The following ADAMTS2 variants were observed in gnomAD, a reference collection of about 807,000 sequenced individuals.
The protein encoded by ADAMTS2 is A disintegrin and metalloproteinase with thrombospondin motifs 2.
In ADAMTS2, 50 loss-of-function variants were observed where a neutral mutation model predicts 123.0. That is an observed-to-expected ratio of 0.41 (90% CI 0.32 to 0.51). The LOEUF (loss-of-function observed/expected upper bound fraction) is 0.51, where lower values mean the gene tolerates loss of function less well. Ranked by LOEUF, ADAMTS2 falls within the 20% of genes least tolerant of loss-of-function variation. The pLI, the probability that ADAMTS2 is intolerant of heterozygous loss-of-function variation, is 0.35. For synonymous variants in ADAMTS2, 678 were observed against 695.4 expected, an observed-to-expected ratio of 0.98 and a Z score of 0.39; for missense variants, 1,494 against 1,705.2, an observed-to-expected ratio of 0.88 and a Z score of 2.18.
In ADAMTS2 at chr5:179,128,193, G is replaced by C; in HGVS notation, c.2458-75C>G. ...CTCCCCAGCCAGCTTAGGAACGGCAGCTGAGGCCGACTCCAGAGGAGTCTC... is the reference window on the plus strand; with the variant it reads ...CTCCCCAGCCAGCTTAGGAACGGCACCTGAGGCCGACTCCAGAGGAGTCTC... On this transcript the variant is annotated intron_variant, in intron 16 of 21. Coordinates refer to ENST00000251582, the MANE Select transcript of ADAMTS2 (RefSeq NM_014244.5). The surrounding 1 kb of genome is among the most constrained non-coding windows in gnomAD (Gnocchi z 4.9). 1 of 1,575,098 alleles carries C rather than the reference G, an allele frequency of 6.3e-7. No individual in the cohort carries two copies. Among genetic ancestry groups the C allele is most frequent in the Admixed American group, 1.7e-5 (1 of 58,354 alleles).
intron 2 of ADAMTS2, among the ~76,000 whole-genome samples, chr5:179,296,301 G>A (rs539845280): frequency 8.5e-5 from 13 of 152,274 alleles, no homozygotes; most frequent in African/African-American, 2.4e-4. Context: ...CTCAAGGGAC[G>A]GGCAGGGGCA....
chr5:179,202,411 T>C lies in ADAMTS2; in HGVS notation c.891+5102A>G, dbSNP rs1312583293. ...AGCCCCTGAGCTGTAGAAAGTGGCCTGCCTTCCCCTACCCTTCTTCCTTCT... is the reference window on the plus strand; with the variant it reads ...AGCCCCTGAGCTGTAGAAAGTGGCCCGCCTTCCCCTACCCTTCTTCCTTCT... On this transcript the variant is annotated intron_variant, in intron 4 of 21. Transcript: ENST00000251582. This position sits in a 1 kb window ranked among gnomAD's most constrained non-coding sequence, Gnocchi z 4.0. 6.6e-6 allele frequency among the ~76,000 whole-genome samples: 1 copy of C among 152,218 alleles called. No individual in the cohort carries two copies. Among genetic ancestry groups the C allele is most frequent in the Non-Finnish European group, 1.5e-5 (1 of 68,040 alleles).
chr5:179,293,609 G>C (rs972172776), intron 2 of ADAMTS2, among the ~76,000 whole-genome samples: 1 of 95,602 alleles, frequency 1.0e-5, no homozygotes, highest in Non-Finnish European at 2.3e-5. Flanking sequence ...TCCAGGGTAG[G>C]GTTTTGTTTG....
In ADAMTS2 at chr5:179,303,813, T is replaced by C; in HGVS notation, c.535-30749A>G. Among the ~76,000 whole-genome samples, 1 of 152,132 alleles carries C rather than the reference T, an allele frequency of 6.6e-6. No individual in the cohort carries two copies. The highest frequency in any genetic ancestry group is 1.5e-5 in the Non-Finnish European group (1 of 68,016). On this transcript the variant is annotated intron_variant, in intron 2 of 21. Coordinates refer to ENST00000251582, the MANE Select transcript of ADAMTS2 (RefSeq NM_014244.5). This position sits in a 1 kb window ranked among gnomAD's most constrained non-coding sequence, Gnocchi z 4.7. ...TCTTTTGGTCCTCCCAGGAGTGTAGTTGCAGGAAGTGTGCAAGACAGCAGG... is the reference window on the plus strand; with the variant it reads ...TCTTTTGGTCCTCCCAGGAGTGTAGCTGCAGGAAGTGTGCAAGACAGCAGG...
intron 2 of ADAMTS2, among the ~76,000 whole-genome samples, chr5:179,276,989 C>A (rs1436247859): frequency 6.6e-6 from 1 of 152,124 alleles, no homozygotes; most frequent in Non-Finnish European, 1.5e-5. Flanking sequence ...AGGGGTCAGG[C>A]TCCCCTCCCT....
In ADAMTS2 at chr5:179,181,775, T is replaced by C. The variant is rs893935836; in HGVS notation, c.892-620A>G. Among the ~76,000 whole-genome samples, 16 of 152,202 alleles carry C rather than the reference T, an allele frequency of 1.1e-4. No individual in the cohort carries two copies. Among genetic ancestry groups the C allele is most frequent in the Admixed American group, 9.2e-4 (14 of 15,284 alleles). ...TTTATCACAATCATATTCTTACACG[T>C]GTTTCATTCTTCACATTTAAAACCA... is the stretch of plus-strand genomic sequence containing the variant. On this transcript the variant is annotated intron_variant, in intron 4 of 21. Transcript: ENST00000251582. The surrounding 1 kb of genome is among the most constrained non-coding windows in gnomAD (Gnocchi z 4.1).
At position 179,260,205 on chromosome 5, in the gene ADAMTS2, C is replaced by T. The variant is rs760902010; in HGVS notation, c.688+12706G>A. Among the ~76,000 whole-genome samples, 3 of 152,150 alleles carry T rather than the reference C, an allele frequency of 2.0e-5. No individual in the cohort carries two copies. The highest frequency in any genetic ancestry group is 4.8e-5 in the African/African-American group (2 of 41,440). On this transcript the variant is annotated intron_variant, in intron 3 of 21. Coordinates refer to ENST00000251582, the MANE Select transcript of ADAMTS2 (RefSeq NM_014244.5). This position sits in a 1 kb window ranked among gnomAD's most constrained non-coding sequence, Gnocchi z 4.2. ...CTGACACTGTGGCAACAACAGGAGG[C>T]GTCAGTGCCAAGCCCTCCAATGCCT...
intron 21 of ADAMTS2, among the ~76,000 whole-genome samples, chr5:179,120,009 G>C (rs983648876): frequency 1.3e-5 from 2 of 152,122 alleles, no homozygotes; most frequent in African/African-American, 4.8e-5. Flanking sequence ...CACCTTTCAG[G>C]GGGAGGGGCC....
intron 2 of ADAMTS2, among the ~76,000 whole-genome samples, chr5:179,316,622 C>T (rs1314860315): frequency 1.6e-4 from 25 of 152,214 alleles, no homozygotes; most frequent in Non-Finnish European, 1.5e-5. Context: ...AGGCCCAGGG[C>T]AGAGCAGGCA....
At chr5:179,321,896 G>A (rs535026810) in intron 2 of ADAMTS2, among the ~76,000 whole-genome samples, 38 of 152,168 alleles carry the variant, frequency 2.5e-4, no homozygotes, top group East Asian at 7.7e-4. Context: ...TGGAGATCCC[G>A]GCCTCTCCAT....
At chr5:179,163,553 CTT>C (rs1763639689) in intron 5 of ADAMTS2, among the ~76,000 whole-genome samples, 2 of 152,198 alleles carry the variant, frequency 1.3e-5, no homozygotes, top group Non-Finnish European at 2.9e-5. Flanking sequence ...CCCGTCACCA[CTT>C]TATTCCAGAA....
chr5:179,183,326 G>A (rs2113317350), intron 4 of ADAMTS2, among the ~76,000 whole-genome samples: 1 of 152,338 alleles, frequency 6.6e-6, no homozygotes, highest in African/African-American at 2.4e-5. Context: ...ACCGAGGGAA[G>A]GTCCCACTGC....
rs946799978 is a variant in ADAMTS2, at chr5:179,169,368, G to C, written c.976-10489C>G. Among the ~76,000 whole-genome samples, 26 of 152,324 alleles carry C rather than the reference G, an allele frequency of 1.7e-4. 1 individual carries two copies. The highest frequency in any genetic ancestry group is 9.8e-4 in the Admixed American group (15 of 15,304). Reference sequence around the variant, plus strand: ...GAACAGTGAGTAACACAATTCCATTGGTTATAAATTACTCAGTCTAAGGTA... The same window carrying C: ...GAACAGTGAGTAACACAATTCCATTCGTTATAAATTACTCAGTCTAAGGTA... On this transcript the variant is annotated intron_variant, in intron 5 of 21. Coordinates refer to ENST00000251582, the MANE Select transcript of ADAMTS2 (RefSeq NM_014244.5).
rs1320059788 is a variant in ADAMTS2, at chr5:179,337,312, AATAC to A, written c.534+6451_534+6454del. On this transcript the variant is annotated intron_variant, in intron 2 of 21. Coordinates refer to ENST00000251582, the MANE Select transcript of ADAMTS2 (RefSeq NM_014244.5). Reference sequence around the variant, plus strand: ...AGAGTGCAGGAAACCCCTCCCGAGAAATACATAAACACATGCTGGCCCATGCTCA... The same window carrying A: ...AGAGTGCAGGAAACCCCTCCCGAGAAATAAACACATGCTGGCCCATGCTCA... Among the ~76,000 whole-genome samples the A allele has an allele frequency of 2.0e-5, 3 of 152,004 alleles. No individual in the cohort carries two copies. The East Asian group carries it at 5.8e-4, about 29-fold the overall frequency.
At chr5:179,216,166 T>C (rs1294771969) in intron 3 of ADAMTS2, among the ~76,000 whole-genome samples, 6 of 151,408 alleles carry the variant, frequency 4.0e-5, no homozygotes, top group Non-Finnish European at 8.8e-5. Context: ...CCATGGAGGG[T>C]GGCGAGAAGT....
chr5:179,137,711 C>G, intron 12 of ADAMTS2, 58 bp downstream of exon 12: 1 of 1,442,060 alleles, frequency 6.9e-7, no homozygotes, highest in Non-Finnish European at 9.4e-7. Flanking sequence ...AGCCCCCACC[C>G]TGCCCACCCT....
intron 5 of ADAMTS2, among the ~76,000 whole-genome samples, chr5:179,176,784 A>G (rs559880808): frequency 6.6e-6 from 1 of 152,258 alleles, no homozygotes; most frequent in East Asian, 1.9e-4. Flanking sequence ...TTGGCGGGAG[A>G]CGCAGGTCTG....
intron 5 of ADAMTS2, among the ~76,000 whole-genome samples, chr5:179,179,287 T>G (rs1377793936): frequency 5.3e-5 from 8 of 151,660 alleles, no homozygotes; most frequent in Non-Finnish European, 1.0e-4. Flanking sequence ...TCAAATGAAT[T>G]GGATTTTTTT....
At chr5:179,286,460 G>A (rs1032320313) in intron 2 of ADAMTS2, among the ~76,000 whole-genome samples, 5 of 152,228 alleles carry the variant, frequency 3.3e-5, no homozygotes, top group African/African-American at 1.2e-4. Flanking sequence ...GGGGGCTGGG[G>A]TGGCAGGGGC....
Sources: allele counts gnomAD v4.1 joint callset (sites outside exome capture counted in the v4.1 genomes callset), GRCh38; gene constraint gnomAD v4.1.1; non-coding constraint Gnocchi (gnomAD v3.1); transcripts MANE v1.5; gene names NCBI Gene and HGNC (gene_info 2026-07-23, HGNC 2026-07-21).